INSL6: variants seen among roughly 807,000 people sequenced by gnomAD.
The protein encoded by INSL6 is insulin-like peptide INSL6.
INSL6 carries 16 observed loss-of-function variants against 9.4 expected under a neutral mutation model. The ratio of observed to expected loss-of-function variants is 1.70; its 90% CI spans 1.15 to 2.59. The LOEUF is 2.59. Among genes scored for constraint, INSL6 ranks in the 30% most tolerant of loss-of-function variants. The pLI is 0.00. For synonymous variants in INSL6, 154 were observed against 96.9 expected (o/e 1.59, Z -3.46); for missense variants, 391 against 257.3 (o/e 1.52, Z -3.56).
chr9:5,170,984 AT>A (rs1232876358), intron 1 of INSL6, among the ~76,000 whole-genome samples: 1 of 152,188 alleles, frequency 6.6e-6, no homozygotes, highest in Non-Finnish European at 1.5e-5. Flanking sequence ...TCCCTAACTC[AT>A]TCTATGAGGC....
At chr9:5,049,195 A>G in the INSL6 span, among the ~76,000 whole-genome samples, 1 of 152,130 alleles carries the variant, frequency 6.6e-6, no homozygotes, top group Middle Eastern at 3.2e-3. Flanking sequence ...CCGTAAATAC[A>G]CTTTATTTTC....
the INSL6 span, among the ~76,000 whole-genome samples, chr9:5,073,219 G>A: frequency 6.6e-6 from 1 of 152,216 alleles, no homozygotes; most frequent in African/African-American, 2.4e-5. Context: ...ATCATACCCA[G>A]GGGTTCTAGT....
At position 5,185,548 on chromosome 9, in the gene INSL6, A is replaced by T; in HGVS notation, c.55T>A (p.Phe19Ile). The change falls in exon 1 of 2, where the codon TTT becomes ATT. Residue 19 changes from phenylalanine (F) to isoleucine (I), a missense_variant. Phe to Ile is a conservative substitution (Grantham distance 21). Coordinates refer to ENST00000381641, the MANE Select transcript of INSL6 (RefSeq NM_007179.3). ...CTGATGTCGCTCAGTTCACGAGAAA[A>T]CCGAACCAGCAGGAGTCCAAGCCAC... ...LLWLGLLLVR[F>I]SRELSDISSA... 6.2e-7 allele frequency: 1 copy of T among 1,613,880 alleles called. No individual in the cohort carries two copies. The highest frequency in any genetic ancestry group is 8.5e-7 in the Non-Finnish European group (1 of 1,179,972).
chr9:5,156,551 AT>A (rs1424028587), intron 2 of INSL6, among the ~76,000 whole-genome samples: 1 of 152,178 alleles, frequency 6.6e-6, no homozygotes, highest in African/African-American at 2.4e-5. Context: ...TTAAAAAAAA[AT>A]TCTCAGCAAA....
the INSL6 span, among the ~76,000 whole-genome samples, chr9:5,018,984 T>C: frequency 6.6e-6 from 1 of 152,198 alleles, no homozygotes; most frequent in Non-Finnish European, 1.5e-5. Context: ...ACAACAGTTC[T>C]CTCTTTGTCT....
At chr9:5,009,510 C>G in the INSL6 span, among the ~76,000 whole-genome samples, 2 of 151,202 alleles carry the variant, frequency 1.3e-5, no homozygotes, top group African/African-American at 4.9e-5. Context: ...TTTATGTTTT[C>G]AAAATATTCT....
the INSL6 span, chr9:5,072,761 C>T: frequency 3.9e-6 from 2 of 515,656 alleles, no homozygotes; most frequent in Admixed American, 8.3e-5. Flanking sequence ...TCTGAGGATA[C>T]ATTCTTGTGG....
intron 1 of INSL6, among the ~76,000 whole-genome samples, chr9:5,164,931 A>G (rs1414919309): frequency 6.6e-6 from 1 of 152,180 alleles, no homozygotes; most frequent in Non-Finnish European, 1.5e-5. Context: ...CTGATGGCCC[A>G]GCATAGTGGC....
At chr9:5,149,050 C>A (rs1465466308) in intron 2 of INSL6, among the ~76,000 whole-genome samples, 1 of 152,178 alleles carries the variant, frequency 6.6e-6, no homozygotes, top group African/African-American at 2.4e-5. Flanking sequence ...CCAGTCTCTG[C>A]CAGAGCTGCC....
At chr9:5,024,754 C>T in the INSL6 span, among the ~76,000 whole-genome samples, 1 of 152,172 alleles carries the variant, frequency 6.6e-6, no homozygotes, top group African/African-American at 2.4e-5. Flanking sequence ...AGCTGCTTTT[C>T]TGCCCTGAGA....
At chr9:5,090,164 G>A in the INSL6 span, among the ~76,000 whole-genome samples, 6 of 152,142 alleles carry the variant, frequency 3.9e-5, no homozygotes, top group East Asian at 1.9e-4. Context: ...TTTTTTGTTC[G>A]ATATCAATGA....
chr9:5,103,700 A>C, the INSL6 span, among the ~76,000 whole-genome samples: 2 of 152,224 alleles, frequency 1.3e-5, no homozygotes, highest in Admixed American at 6.5e-5. Context: ...AAAAGAACAG[A>C]TATCACAACA....
At position 5,129,199 on chromosome 9, in the gene INSL6, G is replaced by A. The variant is rs1016938255; in HGVS notation, c.*10+4226C>T. Among the ~76,000 whole-genome samples the A allele has an allele frequency of 4.6e-5, 7 of 152,050 alleles. No homozygotes were observed. The East Asian group carries it at 1.3e-3, about 29-fold the overall frequency. Reference sequence around the variant, plus strand: ...TCTATAGAGCCAATCTTGATGGTGGGTGTGGCATTATGTGCTCACTTTATT... The same window carrying A: ...TCTATAGAGCCAATCTTGATGGTGGATGTGGCATTATGTGCTCACTTTATT... On this transcript the variant is annotated intron_variant, in intron 3 of 3. Transcript: ENST00000649639.
At chr9:5,130,968 A>C (rs994164027) in intron 3 of INSL6, among the ~76,000 whole-genome samples, 1 of 151,510 alleles carries the variant, frequency 6.6e-6, no homozygotes, top group African/African-American at 2.4e-5. Flanking sequence ...TGACCTCATG[A>C]TCCGCCCGCC....
At chr9:5,048,214 T>C in the INSL6 span, among the ~76,000 whole-genome samples, 17 of 152,078 alleles carry the variant, frequency 1.1e-4, no homozygotes, top group Non-Finnish European at 2.2e-4. Context: ...TGATCTCGGC[T>C]CACTGCAACC....
chr9:5,098,073 T>A, the INSL6 span: 1 of 152,202 alleles, frequency 6.6e-6, no homozygotes, highest in Non-Finnish European at 1.5e-5. Flanking sequence ...ATTTTTATAA[T>A]CTGAGAAGCC....
chr9:5,141,000 T>C (rs971150664), intron 2 of INSL6, among the ~76,000 whole-genome samples: 1 of 152,148 alleles, frequency 6.6e-6, no homozygotes, highest in Admixed American at 6.5e-5. Flanking sequence ...CTAAGGATAA[T>C]GGCCTCTAGC....
the INSL6 span, among the ~76,000 whole-genome samples, chr9:5,082,587 G>A: frequency 2.6e-5 from 4 of 152,340 alleles, no homozygotes; most frequent in Non-Finnish European, 5.9e-5. Flanking sequence ...GACCCTTCAC[G>A]GATGTTGGGC....
intron 1 of INSL6, among the ~76,000 whole-genome samples, chr9:5,177,910 C>T (rs1825349621): frequency 6.6e-6 from 1 of 152,100 alleles, no homozygotes; most frequent in South Asian, 2.1e-4. Flanking sequence ...GAGTCTCGCT[C>T]TGTCACCCAG....
Sources: allele counts gnomAD v4.1 joint callset (sites outside exome capture counted in the v4.1 genomes callset), GRCh38; gene constraint gnomAD v4.1.1; transcripts MANE v1.5; gene names NCBI Gene and HGNC (gene_info 2026-07-23, HGNC 2026-07-21).